The following NAALADL2 variants were observed in gnomAD, a reference collection of about 807,000 sequenced individuals.
The protein encoded by NAALADL2 is N-acetylated alpha-linked acidic dipeptidase like 2, also known as inactive N-acetylated-alpha-linked acidic dipeptidase-like protein 2.
NAALADL2 carries 76 observed loss-of-function variants against 87.2 expected under a neutral mutation model. That is an observed-to-expected ratio of 0.87 (90% CI 0.72 to 1.05). The LOEUF (loss-of-function observed/expected upper bound fraction) is 1.05, where lower values mean the gene tolerates loss of function less well. NAALADL2 is among the 50% of genes least tolerant of loss of function. NAALADL2 has a pLI of 0.00. For synonymous variants in NAALADL2, 354 were observed against 331.0 expected (o/e 1.07, Z -0.75); for missense variants, 1,089 against 945.8 (o/e 1.15, Z -1.99).
Position 174,841,893 on chromosome 3 carries a change from C to T in NAALADL2, c.-9+104147C>T, listed in dbSNP as rs184105232. On this transcript the variant is annotated intron_variant, in intron 3 of 3. Transcript: ENST00000434257. ...GCATATTTCTCTCCTTTCATGCCTT[C>T]CTTAGCATTCCTCTTGAGGGGTTTT... is the stretch of plus-strand genomic sequence containing the variant. Among the ~76,000 whole-genome samples the T allele has an allele frequency of 2.5e-3, 383 of 152,196 alleles. 2 individuals are homozygous for T. The highest frequency in any genetic ancestry group is 3.9e-3 in the Non-Finnish European group (263 of 68,010).
At chr3:175,190,839 G>T (rs977141754) in intron 2 of NAALADL2, among the ~76,000 whole-genome samples, 3 of 151,844 alleles carry the variant, frequency 2.0e-5, no homozygotes, top group African/African-American at 4.8e-5. Flanking sequence ...TTAGCCGGGC[G>T]TGGTGGCGGG....
chr3:175,084,417 T>G (rs2108264894), intron 1 of NAALADL2, among the ~76,000 whole-genome samples: 1 of 152,292 alleles, frequency 6.6e-6, no homozygotes, highest in South Asian at 2.1e-4. Flanking sequence ...GCTCTGCTGC[T>G]TCTCCTCGTG....
intron 5 of NAALADL2, among the ~76,000 whole-genome samples, chr3:175,437,656 C>T (rs1718935518): frequency 6.6e-6 from 1 of 150,550 alleles, no homozygotes; most frequent in Non-Finnish European, 1.5e-5. Context: ...AATCCTAAGC[C>T]AAAAGAACAA....
chr3:174,730,084 A>T (rs750888353), intron 2 of NAALADL2, among the ~76,000 whole-genome samples: 3 of 152,058 alleles, frequency 2.0e-5, no homozygotes, highest in Non-Finnish European at 2.9e-5. Flanking sequence ...CTTACCCTTA[A>T]TTACATTCTG....
At chr3:174,894,646 A>G (rs1276678941) in intron 1 of NAALADL2, among the ~76,000 whole-genome samples, 1 of 135,684 alleles carries the variant, frequency 7.4e-6, no homozygotes, top group Non-Finnish European at 1.6e-5. Context: ...AAAAAAAATC[A>G]GTGAAGAAAC....
At chr3:174,527,605 G>C (rs911155971) in intron 1 of NAALADL2, among the ~76,000 whole-genome samples, 1 of 151,262 alleles carries the variant, frequency 6.6e-6, no homozygotes, top group Non-Finnish European at 1.5e-5. Flanking sequence ...CTAGACTTTT[G>C]TCAAAGCCAT....
chr3:174,929,439 A>G (rs1371977140), intron 1 of NAALADL2, among the ~76,000 whole-genome samples: 1 of 152,134 alleles, frequency 6.6e-6, no homozygotes, highest in East Asian at 1.9e-4. Context: ...CTCCTCTAAA[A>G]ATGGTAGAAT....
intron 1 of NAALADL2, among the ~76,000 whole-genome samples, chr3:174,545,890 G>T (rs1722686365): frequency 6.7e-6 from 1 of 149,812 alleles, no homozygotes; most frequent in South Asian, 2.1e-4. Flanking sequence ...CCTATTGTAT[G>T]GTATTCTGTT....
intron 1 of NAALADL2, among the ~76,000 whole-genome samples, chr3:175,021,765 G>A (rs1424734129): frequency 1.3e-5 from 2 of 152,088 alleles, no homozygotes; most frequent in Non-Finnish European, 2.9e-5. Context: ...AGATATTTAA[G>A]CATTGTTTTC....
chr3:175,621,132 A>G (rs372204663), intron 10 of NAALADL2, among the ~76,000 whole-genome samples: 3 of 152,328 alleles, frequency 2.0e-5, no homozygotes. Context: ...TAAAACCGGC[A>G]GCTCGGTTTT....
intron 2 of NAALADL2, among the ~76,000 whole-genome samples, chr3:175,169,633 G>C (rs954386540): frequency 1.3e-5 from 2 of 151,368 alleles, no homozygotes; most frequent in African/African-American, 4.8e-5. Context: ...GTTTTTATCC[G>C]TTTTTATTTT....
chr3:175,311,913 A>G (rs537174873), intron 4 of NAALADL2, among the ~76,000 whole-genome samples: 22 of 152,312 alleles, frequency 1.4e-4, no homozygotes, highest in African/African-American at 5.3e-4. Context: ...CATCAAGTAA[A>G]GCAATTTGAA....
chr3:174,972,431 C>A (rs1743812783), intron 1 of NAALADL2, among the ~76,000 whole-genome samples: 1 of 152,104 alleles, frequency 6.6e-6, no homozygotes, highest in Admixed American at 6.5e-5. Context: ...CTCCTGAGTC[C>A]CTTCCTCGGC....
intron 2 of NAALADL2, among the ~76,000 whole-genome samples, chr3:175,161,551 T>C (rs1223855745): frequency 2.6e-5 from 4 of 152,122 alleles, no homozygotes; most frequent in African/African-American, 9.7e-5. Flanking sequence ...AGGATCCAGG[T>C]ACTTATACAT....
At chr3:175,420,162 C>T (rs1715433124) in intron 5 of NAALADL2, among the ~76,000 whole-genome samples, 1 of 151,982 alleles carries the variant, frequency 6.6e-6, no homozygotes, top group Non-Finnish European at 1.5e-5. Context: ...TTTTGTATAC[C>T]TTTACTTTCA....
chr3:175,700,285 G>A (rs897926301), intron 11 of NAALADL2, among the ~76,000 whole-genome samples: 2 of 151,972 alleles, frequency 1.3e-5, no homozygotes, highest in African/African-American at 4.8e-5. Flanking sequence ...ATAAATTGAG[G>A]ATCAATATTG....
chr3:175,253,204 C>T (rs1429987745), intron 3 of NAALADL2, among the ~76,000 whole-genome samples: 1 of 152,162 alleles, frequency 6.6e-6, no homozygotes, highest in Non-Finnish European at 1.5e-5. Context: ...GTAAGGCTGA[C>T]TCTCGTTAGG....
rs544786533 is a variant in NAALADL2, at chr3:175,617,768, G to A, written c.1801-9523G>A. Among the ~76,000 whole-genome samples the A allele has an allele frequency of 4.6e-5, 7 of 152,224 alleles. No homozygotes were observed. The East Asian group carries it at 1.4e-3, about 30-fold the overall frequency. On this transcript the variant is annotated intron_variant, in intron 10 of 13. Coordinates refer to ENST00000454872, the MANE Select transcript of NAALADL2 (RefSeq NM_207015.3). Reference sequence around the variant, plus strand: ...ATTAAGTGTCCTTCAACTGAATCAGGAGCTAGAGAAGCTTTACCAAGGCCT... The same window carrying A: ...ATTAAGTGTCCTTCAACTGAATCAGAAGCTAGAGAAGCTTTACCAAGGCCT...
chr3:175,163,804 G>C (rs990877256), intron 2 of NAALADL2, among the ~76,000 whole-genome samples: 2 of 152,144 alleles, frequency 1.3e-5, no homozygotes, highest in Non-Finnish European at 2.9e-5. Context: ...CCTTGGGTGA[G>C]TACCAGAGGG....
Sources: gnomAD v4.1 joint callset for allele counts (sites outside exome capture counted in the v4.1 genomes callset) on GRCh38, gnomAD v4.1.1 for gene constraint, MANE v1.5 for transcripts, NCBI Gene and HGNC (gene_info 2026-07-23, HGNC 2026-07-21) for gene names.